GPR174: variants seen among roughly 807,000 people sequenced by gnomAD.
GPR174 encodes the protein G protein-coupled receptor 174.
In GPR174, 8 loss-of-function variants were observed where a neutral mutation model predicts 16.5. The ratio of observed to expected loss-of-function variants is 0.48; its 90% CI spans 0.28 to 0.87. GPR174 has a LOEUF of 0.87. Ranked by LOEUF, GPR174 falls within the 40% of genes least tolerant of loss-of-function variation. The pLI is 0.09. For missense variants in GPR174, 214 were observed against 247.5 expected (o/e 0.86, Z 0.91); for synonymous variants, 111 against 94.8 (o/e 1.17, Z -0.99).
rs1304418471 is a variant in GPR174, at chrX:79,173,166, G to C, written c.*1157G>C. On this transcript the variant is annotated 3_prime_UTR_variant, in exon 3 of 3. Transcript: ENST00000645147. ...ATTACAGTCAGTCACATGGACCCTA[G>C]AATCCACATTGATTTTTTTTGGTCT... The C allele has an allele frequency of 9.0e-6, 1 of 111,598 alleles. No homozygotes were observed. The highest frequency in any genetic ancestry group is 1.9e-5 in the Non-Finnish European group (1 of 53,073). The allele number at this position is 111,598 out of a possible 1,213,427, so 9.2% of individuals were successfully genotyped here.
chrX:79,171,525 C>A lies in GPR174; in HGVS notation c.518C>A (p.Pro173His). The A allele has an allele frequency of 8.3e-7, 1 of 1,211,486 alleles. No homozygotes were observed. Among genetic ancestry groups the A allele is most frequent in the Non-Finnish European group, 1.1e-6 (1 of 895,428 alleles). ...AGGACCAAATGCTTTGTGGATCTTC[C>A]TACCAGGAATGTCAACCTGGCCCAG... is the stretch of plus-strand genomic sequence containing the variant. ...GNRTKCFVDL[P>H]TRNVNLAQSV... Residue 173 changes from proline (P) to histidine (H), a missense_variant, in exon 3 of 3, where the codon CCT becomes CAT. By Grantham distance (77) the Pro-to-His change is moderately conservative. Transcript: ENST00000645147.
At chrX:79,164,591 C>T (rs1314151990) in intron 2 of GPR174, among the ~76,000 whole-genome samples, 1 of 111,613 alleles carries the variant, frequency 9.0e-6, no homozygotes, top group Non-Finnish European at 1.9e-5. Context: ...CTTTGCATGT[C>T]GTTACTGCTC....
In GPR174 at chrX:79,175,176, A is replaced by ACTC. The variant is rs1448352726; in HGVS notation, c.*3168_*3170dup. The ACTC allele has an allele frequency of 9.0e-6, 1 of 110,553 alleles. No individual in the cohort carries two copies. The highest frequency in any genetic ancestry group is 3.3e-5 in the African/African-American group (1 of 30,326). 9.1% of individuals were successfully genotyped at this position (110,553 alleles called of 1,213,427 possible). A position where few individuals can be genotyped will look rare whatever the true frequency, so the allele number is the denominator to read the frequency against. On this transcript the variant is annotated 3_prime_UTR_variant, in exon 3 of 3. Coordinates refer to ENST00000645147, the MANE Select transcript of GPR174 (RefSeq NM_032553.3). Reference sequence around the variant, plus strand: ...TGGTCTGAGAGGGTGCATCTGTGGAACTCTTGCGCAACTTACATTTTATGT... The same window carrying ACTC: ...TGGTCTGAGAGGGTGCATCTGTGGAACTCCTCTTGCGCAACTTACATTTTATGT...
At chrX:79,155,824 A>T (rs904034212) in intron 1 of GPR174, among the ~76,000 whole-genome samples, 3 of 111,736 alleles carry the variant, frequency 2.7e-5, no homozygotes, top group Non-Finnish European at 5.7e-5. Context: ...ATTAGCTTGA[A>T]GCAAATTTGC....
rs3827441 is a variant in GPR174, at chrX:79,170,796, C to A, written c.-212C>A. On this transcript the variant is annotated 5_prime_UTR_variant, in exon 3 of 3. Transcript: ENST00000645147. Reference sequence around the variant, plus strand: ...TACACTAGACTTCCATGTAGTTACTCTAGAGAAATCTAAATCAAAAATGCA... The same window carrying A: ...TACACTAGACTTCCATGTAGTTACTATAGAGAAATCTAAATCAAAAATGCA... 169,088 of 413,968 alleles carry A rather than the reference C, an allele frequency of 0.41. 26,143 individuals carry two copies. Among genetic ancestry groups the A allele is most frequent in the Non-Finnish European group, 0.49 (118,674 of 241,325 alleles). The allele number at this position is 413,968 out of a possible 1,213,427, so 34.1% of individuals were successfully genotyped here. A position where few individuals can be genotyped will look rare whatever the true frequency, so the allele number is the denominator to read the frequency against.
At chrX:79,164,221 A>G (rs1921302388) in intron 2 of GPR174, among the ~76,000 whole-genome samples, 1 of 110,347 alleles carries the variant, frequency 9.1e-6, no homozygotes, top group African/African-American at 3.3e-5. Context: ...CCACACCCCT[A>G]TGCCTTCCTT....
In GPR174 at chrX:79,172,125, C is replaced by T. The variant is rs1921533879; in HGVS notation, c.*116C>T. On this transcript the variant is annotated 3_prime_UTR_variant, in exon 3 of 3. Transcript: ENST00000645147. The stretch of plus-strand genomic sequence containing the variant: ...ACACAGCTTTTCAGTTCTGCTCTAT[C>T]TTACTGCTATGGGGAATTCACTTCT... The T allele has an allele frequency of 1.4e-6, 1 of 735,678 alleles. No homozygotes were observed. Among genetic ancestry groups the T allele is most frequent in the East Asian group, 3.4e-5 (1 of 29,370 alleles). The allele number at this position is 735,678 out of a possible 1,213,427, so 60.6% of individuals were successfully genotyped here.
At chrX:79,161,327 A>G (rs1203571172) in intron 2 of GPR174, among the ~76,000 whole-genome samples, 3 of 112,118 alleles carry the variant, frequency 2.7e-5, no homozygotes, top group Non-Finnish European at 5.6e-5. Flanking sequence ...CAAAAAATAC[A>G]TTGAACTTGA....
In GPR174 at chrX:79,170,903, G is replaced by T. The variant is rs947555406; in HGVS notation, c.-105G>T. The stretch of plus-strand genomic sequence containing the variant: ...AAAGAGGAAGGTTATTTTATACTTC[G>T]TATCTCCAACCCACTGGCAATCAAT... On this transcript the variant is annotated 5_prime_UTR_variant, in exon 3 of 3. Coordinates refer to ENST00000645147, the MANE Select transcript of GPR174 (RefSeq NM_032553.3). 4.6e-6 allele frequency: 3 copies of T among 658,638 alleles called. No homozygotes were observed. Among genetic ancestry groups the T allele is most frequent in the Non-Finnish European group, 6.9e-6 (3 of 432,365 alleles). 54.3% of individuals were successfully genotyped at this position (658,638 alleles called of 1,213,427 possible). A position where few individuals can be genotyped will look rare whatever the true frequency, so the allele number is the denominator to read the frequency against.
At position 79,171,376 on chromosome X, in the gene GPR174, C is replaced by T; in HGVS notation, c.369C>T (p.Pro123=). 7.4e-6 allele frequency: 9 copies of T among 1,211,666 alleles called. No individual in the cohort carries two copies. Among genetic ancestry groups the T allele is most frequent in the Non-Finnish European group, 7.8e-6 (7 of 895,470 alleles). The change falls in exon 3 of 3, where the codon CCC becomes CCT. Residue 123 remains proline, a synonymous_variant. Transcript: ENST00000645147. ...SVRRFWFLMY[P]FRFHDCKQKY... is the part of the protein sequence containing the mutation. ...GACGATTTTGGTTTCTCATGTACCC[C>T]TTTCGCTTCCATGACTGCAAACAGA... is the stretch of plus-strand genomic sequence containing the variant.
chrX:79,148,949 G>T (rs1926552281), intron 1 of GPR174, among the ~76,000 whole-genome samples: 1 of 111,942 alleles, frequency 8.9e-6, no homozygotes, highest in South Asian at 3.7e-4. Flanking sequence ...AAAACTAAAA[G>T]TGTGTTATTT....
At chrX:79,165,359 C>A (rs1233803074) in intron 2 of GPR174, among the ~76,000 whole-genome samples, 1 of 107,203 alleles carries the variant, frequency 9.3e-6, no homozygotes, top group African/African-American at 3.4e-5. Context: ...GCCAAGGATG[C>A]AAAAGCTTTG....
chrX:79,164,514 G>A lies in GPR174; in HGVS notation c.-556-5938G>A, dbSNP rs201568502. Among the ~76,000 whole-genome samples, 452 of 111,248 alleles carry A rather than the reference G, an allele frequency of 4.1e-3. 1 individual carries two copies. Among genetic ancestry groups the A allele is most frequent in the Non-Finnish European group, 7.3e-3 (386 of 53,000 alleles). On this transcript the variant is annotated intron_variant, in intron 2 of 2. Coordinates refer to ENST00000645147, the MANE Select transcript of GPR174 (RefSeq NM_032553.3). ...AGAGCCACAAGTTGCCAAAATGCTT[G>A]GTTTGTTTCTACTAATCAGGAGGGT...
chrX:79,166,584 G>A (rs1376917900), intron 2 of GPR174, among the ~76,000 whole-genome samples: 4 of 107,741 alleles, frequency 3.7e-5, no homozygotes, highest in African/African-American at 1.0e-4. Context: ...GATTACAGGC[G>A]TGTGCCACCA....
At chrX:79,166,678 G>A (rs1490256294) in intron 2 of GPR174, among the ~76,000 whole-genome samples, 2 of 108,775 alleles carry the variant, frequency 1.8e-5, no homozygotes, top group African/African-American at 6.7e-5. Context: ...CCCGTGATCC[G>A]CCAGACTTGG....
chrX:79,159,065 T>G (rs1263411839), intron 2 of GPR174, among the ~76,000 whole-genome samples: 1 of 110,947 alleles, frequency 9.0e-6, no homozygotes, highest in Non-Finnish European at 1.9e-5. Context: ...TAGAAAAAAG[T>G]AACAATCTAT....
At position 79,158,052 on chromosome X, in the gene GPR174, A is replaced by C. The variant is rs752099660; in HGVS notation, c.-557+1134A>C. On this transcript the variant is annotated intron_variant, in intron 2 of 2. Coordinates refer to ENST00000645147, the MANE Select transcript of GPR174 (RefSeq NM_032553.3). ...TTAATATTAGTTTGATGCAAAAGTAATTGTGGTTTTTGCAGTTAATATAGG... is the reference window on the plus strand; with the variant it reads ...TTAATATTAGTTTGATGCAAAAGTACTTGTGGTTTTTGCAGTTAATATAGG... Among the ~76,000 whole-genome samples the C allele has an allele frequency of 3.8e-5, 4 of 104,112 alleles. No individual in the cohort carries two copies. The East Asian group carries it at 1.4e-3, about 36-fold the overall frequency. The allele number at this position is 104,112 out of a possible 115,157, so 90.4% of individuals were successfully genotyped here. A position where few individuals can be genotyped will look rare whatever the true frequency, so the allele number is the denominator to read the frequency against.
In GPR174 at chrX:79,171,111, T is replaced by C. The variant is rs1229005252; in HGVS notation, c.104T>C (p.Ile35Thr). 1 of 1,206,136 alleles carries C rather than the reference T, an allele frequency of 8.3e-7. No individual in the cohort carries two copies. Among genetic ancestry groups the C allele is most frequent in the African/African-American group, 1.7e-5 (1 of 57,180 alleles). The change falls in exon 3 of 3, where the codon ATA becomes ACA. Residue 35 changes from isoleucine to threonine, a missense_variant. Transcript: ENST00000645147. ...ACTGTCATTCTTGTGCCAGGTCTCA[T>C]AGGGAATATATTAGCCCTGTGGGTA... is the stretch of plus-strand genomic sequence containing the variant. ...TYTVILVPGL[I>T]GNILALWVFY...
At position 79,172,401 on chromosome X, in the gene GPR174, G is replaced by A. The variant is rs1349762755; in HGVS notation, c.*392G>A. On this transcript the variant is annotated 3_prime_UTR_variant, in exon 3 of 3. Transcript: ENST00000645147. ...CTGAGTCTTTATGTTCAGAGGAAAT[G>A]TAAGTGTCTTTTTATATTAGTAATC... 7.4e-6 allele frequency: 1 copy of A among 135,542 alleles called. No homozygotes were observed. Among genetic ancestry groups the A allele is most frequent in the African/African-American group, 3.2e-5 (1 of 31,669 alleles). The allele number at this position is 135,542 out of a possible 1,213,427, so 11.2% of individuals were successfully genotyped here. A position where few individuals can be genotyped will look rare whatever the true frequency, so the allele number is the denominator to read the frequency against.
Sources: allele counts gnomAD v4.1 joint callset (sites outside exome capture counted in the v4.1 genomes callset), GRCh38; gene constraint gnomAD v4.1.1; transcripts MANE v1.5; gene names NCBI Gene and HGNC (gene_info 2026-07-23, HGNC 2026-07-21).